The following PRDM2 variants were observed in gnomAD, a reference collection of about 807,000 sequenced individuals.
The protein encoded by PRDM2 is PR domain zinc finger protein 2.
Under a neutral mutation model 130.0 loss-of-function variants are expected in PRDM2, and 30 were observed. The ratio of observed to expected loss-of-function variants is 0.23; its 90% CI spans 0.17 to 0.31. PRDM2 has a LOEUF of 0.31. Among genes scored for constraint, PRDM2 ranks in the 10% least tolerant of loss-of-function variants. PRDM2 has a pLI of 1.00. For missense variants in PRDM2, 2,011 were observed against 2,108.4 expected (o/e 0.95, Z 0.90); for synonymous variants, 871 against 782.4 (o/e 1.11, Z -1.89).
chr1:13,772,865 C>T (rs565752164), intron 6 of PRDM2, among the ~76,000 whole-genome samples: 2 of 151,986 alleles, frequency 1.3e-5, no homozygotes, highest in East Asian at 3.9e-4. Context: ...CTTTCTTTTC[C>T]CCTCTGTCAT....
chr1:13,701,559 A>G (rs960064812), intron 1 of PRDM2, among the ~76,000 whole-genome samples: 6 of 152,120 alleles, frequency 3.9e-5, no homozygotes, highest in African/African-American at 9.7e-5. Flanking sequence ...TGTTTTTGAG[A>G]TGGTCCAAAC....
chr1:13,801,243 G>A (rs529963842), intron 8 of PRDM2, among the ~76,000 whole-genome samples: 1 of 152,340 alleles, frequency 6.6e-6, no homozygotes, highest in East Asian at 1.9e-4. Flanking sequence ...GAACTAAGTA[G>A]GGATAGGCTT....
At chr1:13,712,504 T>A (rs368979157) in intron 1 of PRDM2, among the ~76,000 whole-genome samples, 1 of 152,174 alleles carries the variant, frequency 6.6e-6, no homozygotes, top group Non-Finnish European at 1.5e-5. Flanking sequence ...TGACTGACTT[T>A]CTTTCTTTCA....
At chr1:13,714,534 A>G (rs1326364467) in intron 1 of PRDM2, among the ~76,000 whole-genome samples, 1 of 152,220 alleles carries the variant, frequency 6.6e-6, no homozygotes, top group Non-Finnish European at 1.5e-5. Context: ...GTGGTTAAAT[A>G]GATCAAGAAA....
chr1:13,750,776 G>GTT (rs560324358), intron 6 of PRDM2, among the ~76,000 whole-genome samples: 7 of 142,742 alleles, frequency 4.9e-5, no homozygotes, highest in Admixed American at 7.0e-5. Flanking sequence ...AAAATTCCCA[G>GTT]TTTTTTTTTT....
chr1:13,791,811 G>T (rs1460974195), intron 8 of PRDM2, among the ~76,000 whole-genome samples: 1 of 152,232 alleles, frequency 6.6e-6, no homozygotes, highest in Non-Finnish European at 1.5e-5. Context: ...TTGTCGACCT[G>T]TTGCGGGTAA....
rs571930943 is a variant in PRDM2, at chr1:13,824,068, C to T, written c.*933C>T. On this transcript the variant is annotated 3_prime_UTR_variant, in exon 10 of 10. Coordinates refer to ENST00000311066, the MANE Select transcript of PRDM2 (RefSeq NM_001393986.1). ...GCACAGGGGGAAGAAGAAGAGATTTCGGAGGCCATCCTGCCAGGGGCGGAC... is the reference window on the plus strand; with the variant it reads ...GCACAGGGGGAAGAAGAAGAGATTTTGGAGGCCATCCTGCCAGGGGCGGAC... The T allele has an allele frequency of 2.0e-5, 3 of 152,600 alleles. No homozygotes were observed. The highest frequency in any genetic ancestry group is 4.8e-5 in the African/African-American group (2 of 41,436). The allele number at this position is 152,600 out of a possible 1,614,324, so 9.5% of individuals were successfully genotyped here.
At chr1:13,785,175 A>T (rs1644708652) in intron 8 of PRDM2, among the ~76,000 whole-genome samples, 1 of 152,196 alleles carries the variant, frequency 6.6e-6, no homozygotes, top group African/African-American at 2.4e-5. Flanking sequence ...GAGTTGTTTG[A>T]ACTACAGTCG....
intron 6 of PRDM2, among the ~76,000 whole-genome samples, chr1:13,763,155 G>T (rs1644142562): frequency 6.6e-6 from 1 of 152,186 alleles, no homozygotes; most frequent in Non-Finnish European, 1.5e-5. Context: ...ACAGCCAACT[G>T]CCAAGACATC....
intron 1 of PRDM2, chr1:13,705,397 A>G (rs184657842): frequency 6.6e-6 from 1 of 152,248 alleles, no homozygotes; most frequent in East Asian, 1.9e-4. Flanking sequence ...CTTCCCAGTT[A>G]TGTATTGAGT....
At chr1:13,713,319 A>C (rs1043636114) in intron 1 of PRDM2, among the ~76,000 whole-genome samples, 2 of 152,122 alleles carry the variant, frequency 1.3e-5, no homozygotes, top group African/African-American at 4.8e-5. Flanking sequence ...GCTCATGGGG[A>C]GGCAGGAGTA....
intron 6 of PRDM2, among the ~76,000 whole-genome samples, chr1:13,763,712 G>A (rs1377495499): frequency 3.3e-5 from 5 of 152,186 alleles, no homozygotes; most frequent in South Asian, 2.1e-4. Context: ...TTTTGTTGGC[G>A]TCTTCTTTAT....
chr1:13,810,773 C>T (rs1045377045), intron 8 of PRDM2, among the ~76,000 whole-genome samples: 5 of 152,042 alleles, frequency 3.3e-5, no homozygotes, highest in South Asian at 2.1e-4. Flanking sequence ...GGATTACAGG[C>T]GTGAGCCACC....
intron 8 of PRDM2, among the ~76,000 whole-genome samples, chr1:13,790,190 C>T (rs1644816766): frequency 6.6e-6 from 1 of 152,162 alleles, no homozygotes; most frequent in African/African-American, 2.4e-5. Flanking sequence ...AAATTCAGGG[C>T]ACAGGAGAAT....
chr1:13,737,154 C>T (rs1384525271), intron 4 of PRDM2, among the ~76,000 whole-genome samples: 1 of 152,198 alleles, frequency 6.6e-6, no homozygotes, highest in Middle Eastern at 3.2e-3. Context: ...TACTTTTCAG[C>T]TCTCAGTGCT....
intron 6 of PRDM2, among the ~76,000 whole-genome samples, chr1:13,768,584 A>G (rs1445533522): frequency 6.6e-6 from 1 of 150,530 alleles, no homozygotes; most frequent in Non-Finnish European, 1.5e-5. Context: ...TTCACCCACC[A>G]TGTTGGCCAG....
At chr1:13,707,198 C>T (rs2100386337) in intron 1 of PRDM2, among the ~76,000 whole-genome samples, 1 of 152,306 alleles carries the variant, frequency 6.6e-6, no homozygotes, top group Non-Finnish European at 1.5e-5. Context: ...TGTAAGATGC[C>T]TCTGTTGCTC....
rs1387278848 is a variant in PRDM2 at position 13,803,472 on chromosome 1, G to A, written c.5037-12955G>A. Among the ~76,000 whole-genome samples the A allele has an allele frequency of 2.6e-5, 4 of 152,196 alleles. No homozygotes were observed. The highest frequency in any genetic ancestry group is 6.5e-5 in the Admixed American group (1 of 15,296). On this transcript the variant is annotated intron_variant, in intron 8 of 9. Transcript: ENST00000311066. The surrounding 1 kb of genome is among the most constrained non-coding windows in gnomAD (Gnocchi z 6.2). ...ATCTGAGTGCCCTCAGCGAGTCCTC[G>A]GGGGCTTCAACTACCCTTCTTCCCA... is the stretch of plus-strand genomic sequence containing the variant.
intron 9 of PRDM2, among the ~76,000 whole-genome samples, chr1:13,817,906 A>C (rs1645282974): frequency 6.6e-6 from 1 of 152,174 alleles, no homozygotes. Flanking sequence ...AGGCTGAGAC[A>C]GGAGAATGGC....
Sources: gnomAD v4.1 joint callset for allele counts (sites outside exome capture counted in the v4.1 genomes callset) on GRCh38, gnomAD v4.1.1 for gene constraint, Gnocchi (gnomAD v3.1) non-coding constraint, MANE v1.5 for transcripts, NCBI Gene and HGNC (gene_info 2026-07-23, HGNC 2026-07-21) for gene names.